Variants in PDXK observed in about 807,000 individuals in gnomAD.
PDXK encodes the protein pyridoxal kinase.
In PDXK, 15 loss-of-function variants were observed where a neutral mutation model predicts 43.2. That is an observed-to-expected ratio of 0.35 (90% CI 0.23 to 0.53). The LOEUF (loss-of-function observed/expected upper bound fraction) is 0.53. Among genes scored for constraint, PDXK ranks in the 20% least tolerant of loss-of-function variants. The probability of loss-of-function intolerance (pLI) is 0.92; values close to 1 mark genes in which losing one functional copy is unlikely to be tolerated. For synonymous variants in PDXK, 172 were observed against 165.4 expected (o/e 1.04, Z -0.31); for missense variants, 343 against 417.0 (o/e 0.82, Z 1.54).
chr21:43,752,600 A>G lies in PDXK; in HGVS notation c.593A>G (p.Tyr198Cys), dbSNP rs1292308640. ...CTGCCCTCCCCGCAGGGCAGCAACT[A>G]CCTGATTGTGCTGGGGAGTCAGAGG... ...SDLPSPQGSNYLIVLGSQRRR... is the reference protein window; with the variant it reads ...SDLPSPQGSNCLIVLGSQRRR... The change falls in exon 8 of 11, where the codon TAC (tyrosine) becomes TGC (cysteine). Residue 198 changes from tyrosine (Y) to cysteine (C), a missense_variant. Tyr to Cys is a radical substitution (Grantham distance 194). Coordinates refer to ENST00000291565, the MANE Select transcript of PDXK (RefSeq NM_003681.5). The G allele has an allele frequency of 6.2e-7, 1 of 1,612,126 alleles. No individual in the cohort carries two copies.
chr21:43,745,396 G>A (rs1220141667), intron 4 of PDXK, among the ~76,000 whole-genome samples: 2 of 151,330 alleles, frequency 1.3e-5, no homozygotes, highest in Non-Finnish European at 2.9e-5. Context: ...CTCCAGCTTG[G>A]GTGACAGGGC....
intron 7 of PDXK, 126 bp downstream of exon 7, chr21:43,750,671 TC>T: frequency 1.5e-6 from 1 of 666,640 alleles, no homozygotes; most frequent in South Asian, 1.9e-5. Context: ...TCTGTACCAG[TC>T]GGGGCCTCCA....
At chr21:43,720,017 G>T in intron 1 of PDXK, 2 of 773,666 alleles carry the variant, frequency 2.6e-6, no homozygotes, top group Non-Finnish European at 3.1e-6. Flanking sequence ...GCAGGTGTTT[G>T]CTCTGACGAG....
At chr21:43,753,544 C>A (rs766139351) in intron 8 of PDXK, 39 bp from the exon 9 acceptor site, 2 of 1,582,140 alleles carry the variant, frequency 1.3e-6, no homozygotes, top group East Asian at 2.3e-5. Flanking sequence ...GGCAGAGGAG[C>A]GGCAGATCTC....
At position 43,760,941 on chromosome 21, in the gene PDXK, G is replaced by A. The variant is rs553276790; in HGVS notation, c.*4878G>A. 2 of 152,196 alleles carry A rather than the reference G, an allele frequency of 1.3e-5. No homozygotes were observed. The highest frequency in any genetic ancestry group is 6.5e-5 in the Admixed American group (1 of 15,288). 9.4% of individuals were successfully genotyped at this position (152,196 alleles called of 1,614,324 possible). A position where few individuals can be genotyped will look rare whatever the true frequency, so the allele number is the denominator to read the frequency against. ...TGCACAAAGACACTGGTTTTCAATC[G>A]GCGTCTAAAACCACGTTCCTGCCTT... On this transcript the variant is annotated 3_prime_UTR_variant, in exon 11 of 11. Transcript: ENST00000291565.
intron 1 of PDXK, chr21:43,728,914 G>T (rs2083281901): frequency 2.0e-6 from 2 of 985,412 alleles, no homozygotes; most frequent in Admixed American, 6.1e-5. Context: ...CATCCCACTG[G>T]CCTGGACTCT....
intron 5 of PDXK, among the ~76,000 whole-genome samples, chr21:43,747,939 C>T (rs2083666355): frequency 1.3e-5 from 2 of 152,168 alleles, no homozygotes; most frequent in Non-Finnish European, 2.9e-5. Context: ...CACGTGCCAC[C>T]CACCCATCCT....
intron 1 of PDXK, chr21:43,719,933 C>T (rs1465390392): frequency 2.0e-6 from 2 of 985,244 alleles, no homozygotes; most frequent in Non-Finnish European, 2.4e-6. Flanking sequence ...TCGGCCTGAC[C>T]ACGCCAGGAG....
intron 6 of PDXK, among the ~76,000 whole-genome samples, chr21:43,750,003 C>A (rs905168163): frequency 6.6e-6 from 1 of 151,346 alleles, no homozygotes; most frequent in Non-Finnish European, 1.5e-5. Flanking sequence ...TCTACCTGGC[C>A]CTGAGCCAGG....
At chr21:43,750,419 G>A in intron 6 of PDXK, 81 bp from the exon 7 acceptor site, 1 of 1,265,676 alleles carries the variant, frequency 7.9e-7, no homozygotes. Context: ...CAGAGCCGCT[G>A]CGGTTTGGGG....
chr21:43,737,571 G>T lies in PDXK; in HGVS notation c.142+3448G>T. On this transcript the variant is annotated intron_variant, in intron 2 of 10. Transcript: ENST00000291565. This position sits in a 1 kb window ranked among gnomAD's most constrained non-coding sequence, Gnocchi z 4.8. ...GCTTTCGGAGTGTAGAGCCAGAGGG[G>T]ATGGGACAGGTGCCCTGCTGCTGGG... 2 of 998,896 alleles carry T rather than the reference G, an allele frequency of 2.0e-6. No homozygotes were observed. The highest frequency in any genetic ancestry group is 2.4e-6 in the Non-Finnish European group (2 of 837,978). The allele number at this position is 998,896 out of a possible 1,614,324, so 61.9% of individuals were successfully genotyped here.
Position 43,737,321 on chromosome 21 carries a change from C to T in PDXK, c.142+3198C>T, listed in dbSNP as rs2083422125. On this transcript the variant is annotated intron_variant, in intron 2 of 10. Coordinates refer to ENST00000291565, the MANE Select transcript of PDXK (RefSeq NM_003681.5). This position sits in a 1 kb window ranked among gnomAD's most constrained non-coding sequence, Gnocchi z 4.8. The stretch of plus-strand genomic sequence containing the variant: ...GAGGCTGCTGCTCGCACTTCTGCCC[C>T]TTCCCCCGGCCAGGCCCCCGTTCCT... 3 of 1,364,590 alleles carry T rather than the reference C, an allele frequency of 2.2e-6. No homozygotes were observed. Among genetic ancestry groups the T allele is most frequent in the East Asian group, 6.0e-5 (2 of 33,476 alleles). The allele number at this position is 1,364,590 out of a possible 1,614,324, so 84.5% of individuals were successfully genotyped here.
Position 43,735,884 on chromosome 21 carries a change from C to G in PDXK, c.142+1761C>G, listed in dbSNP as rs568406494. 6.6e-6 allele frequency among the ~76,000 whole-genome samples: 1 copy of G among 152,316 alleles called. No homozygotes were observed. The highest frequency in any genetic ancestry group is 1.9e-4 in the East Asian group (1 of 5,170). On this transcript the variant is annotated intron_variant, in intron 2 of 10. Transcript: ENST00000291565. This position sits in a 1 kb window ranked among gnomAD's most constrained non-coding sequence, Gnocchi z 5.3. ...GCACCGGGGCCCTTCTGCCTGCTCC[C>G]CTTCCCTCGCCCCTGCCACACTGTG...
At chr21:43,750,908 A>G (rs2083732611) in intron 7 of PDXK, among the ~76,000 whole-genome samples, 1 of 122,284 alleles carries the variant, frequency 8.2e-6, no homozygotes, top group Non-Finnish European at 1.8e-5. Flanking sequence ...ATGGGTGTGC[A>G]CGCATGTGTG....
intron 1 of PDXK, chr21:43,733,646 A>G (rs1263892478): frequency 2.8e-6 from 3 of 1,057,792 alleles, no homozygotes; most frequent in Admixed American, 9.9e-5. Context: ...GGTGGGGTAG[A>G]CGCCCACATT....
At chr21:43,729,060 C>G in intron 1 of PDXK, 1 of 977,548 alleles carries the variant, frequency 1.0e-6, no homozygotes, top group Non-Finnish European at 1.2e-6. Context: ...AAGCCCAGCC[C>G]CCCACCCCGC....
intron 1 of PDXK, chr21:43,729,151 T>G: frequency 2.8e-6 from 1 of 355,638 alleles, no homozygotes; most frequent in Non-Finnish European, 3.9e-6. Flanking sequence ...GCTTGGCGCT[T>G]GTTTACGGAG....
chr21:43,726,270 CTTTT>C (rs1182376121), intron 1 of PDXK, among the ~76,000 whole-genome samples: 2 of 116,808 alleles, frequency 1.7e-5, no homozygotes. Context: ...TTTTCTTTTT[CTTTT>C]TTTTTTTTTT....
rs1311379744 is a variant in PDXK at position 43,759,008 on chromosome 21, AC to A, written c.*2947del. On this transcript the variant is annotated 3_prime_UTR_variant, in exon 11 of 11. Coordinates refer to ENST00000291565, the MANE Select transcript of PDXK (RefSeq NM_003681.5). ...AGCCAGTTTTGAAACGTTTGGTCTT[AC>A]CGTGAACGGAGGCTGGCTTGGCTTA... 6.6e-6 allele frequency: 1 copy of A among 152,226 alleles called. No homozygotes were observed. Among genetic ancestry groups the A allele is most frequent in the Non-Finnish European group, 1.5e-5 (1 of 68,038 alleles). 9.4% of individuals were successfully genotyped at this position (152,226 alleles called of 1,614,324 possible).
Sources: allele counts gnomAD v4.1 joint callset (sites outside exome capture counted in the v4.1 genomes callset), GRCh38; gene constraint gnomAD v4.1.1; non-coding constraint Gnocchi (gnomAD v3.1); transcripts MANE v1.5; gene names NCBI Gene and HGNC (gene_info 2026-07-23, HGNC 2026-07-21).